Variants in RPL35 observed in about 807,000 individuals in gnomAD.
RPL35 encodes the protein large ribosomal subunit protein uL29.
In RPL35, 2 loss-of-function variants were observed where a neutral mutation model predicts 15.6. The observed-to-expected ratio is 0.13, with a 90% confidence interval of 0.05 to 0.40. RPL35 has a LOEUF of 0.40. Among genes scored for constraint, RPL35 ranks in the 10% least tolerant of loss-of-function variants. The pLI is 0.99. For synonymous variants in RPL35, 93 were observed against 67.9 expected, an observed-to-expected ratio of 1.37 and a Z score of -1.82; for missense variants, 111 against 164.7, an observed-to-expected ratio of 0.67 and a Z score of 1.79.
intron 3 of RPL35, 38 bp downstream of exon 3, chr9:124,860,145 T>C: frequency 1.3e-6 from 2 of 1,494,478 alleles, no homozygotes; most frequent in Non-Finnish European, 1.9e-6. Context: ...GCACTTGGCT[T>C]CCTGCAGCCA....
At position 124,861,424 on chromosome 9, in the gene RPL35, A is replaced by G; in HGVS notation, c.135T>C (p.Ser45=). The G allele has an allele frequency of 6.2e-7, 1 of 1,612,742 alleles. No homozygotes were observed. Among genetic ancestry groups the G allele is most frequent in the South Asian group, 1.1e-5 (1 of 90,934 alleles). Residue 45 remains serine (S), a synonymous_variant, in exon 2 of 4, where the codon TCT becomes TCC. Coordinates refer to ENST00000348462, the MANE Select transcript of RPL35 (RefSeq NM_007209.4). Reference sequence around the variant, plus strand: ...GATCCGGCCGCCTCACTTACATCTTAGAGAGCTTGGAGGCCGCACCGCCTG... The same window carrying G: ...GATCCGGCCGCCTCACTTACATCTTGGAGAGCTTGGAGGCCGCACCGCCTG... ...KVTGGAASKL[S]KIRVVRKSIA...
At position 124,857,912 on chromosome 9, in the gene RPL35, C is replaced by T. The variant is rs748604725; in HGVS notation, c.*6G>A. 32 of 1,611,490 alleles carry T rather than the reference C, an allele frequency of 2.0e-5. No homozygotes were observed. The East Asian group carries it at 3.1e-4, about 16-fold the overall frequency. On this transcript the variant is annotated 3_prime_UTR_variant, in exon 4 of 4. Coordinates refer to ENST00000348462, the MANE Select transcript of RPL35 (RefSeq NM_007209.4). ...AGCCAGCTGTGCTTTATTGACAATG[C>T]GCCCCTCAGGCCTTGACCGCGTACT...
At chr9:124,861,348 A>C in intron 2 of RPL35, 71 bp downstream of exon 2, 1 of 1,552,116 alleles carries the variant, frequency 6.4e-7, no homozygotes, top group Non-Finnish European at 8.7e-7. Context: ...GCCAACTTTG[A>C]AATCCTCCGA....
At position 124,861,893 on chromosome 9, in the gene RPL35, G is replaced by A. The variant is rs772446590; in HGVS notation, c.3+17C>T. The A allele has an allele frequency of 3.1e-6, 5 of 1,603,348 alleles. No individual in the cohort carries two copies. Among genetic ancestry groups the A allele is most frequent in the Admixed American group, 1.7e-5 (1 of 59,018 alleles). On this transcript the variant is annotated intron_variant, in intron 1 of 3. Coordinates refer to ENST00000348462, the MANE Select transcript of RPL35 (RefSeq NM_007209.4). ...GCCTCACAGCGCTCGGATGGCGCCC[G>A]ATTCCGCAGCTCTCACCATTGCTGC... is the stretch of plus-strand genomic sequence containing the variant.
chr9:124,859,034 T>G (rs1482878923), intron 3 of RPL35, among the ~76,000 whole-genome samples: 1 of 152,226 alleles, frequency 6.6e-6, no homozygotes, highest in African/African-American at 2.4e-5. Context: ...GCATTCGTCC[T>G]TTTCACATTG....
intron 2 of RPL35, 40 bp from the exon 3 acceptor site, chr9:124,860,304 T>A (rs759824068): frequency 6.6e-7 from 1 of 1,513,834 alleles, no homozygotes; most frequent in Non-Finnish European, 9.2e-7. Context: ...GGAAGACACA[T>A]AGCACTACCC....
chr9:124,861,639 A>G, intron 1 of RPL35, 84 bp from the exon 2 acceptor site: 5 of 1,545,782 alleles, frequency 3.2e-6, no homozygotes, highest in Non-Finnish European at 4.4e-6. Flanking sequence ...AAGGCGCGCG[A>G]CTCGCCATCG....
chr9:124,860,386 G>A, intron 2 of RPL35, 122 bp from the exon 3 acceptor site: 1 of 807,584 alleles, frequency 1.2e-6, no homozygotes, highest in Non-Finnish European at 2.2e-6. Context: ...ATTCACTCAG[G>A]AGGAAGGCGT....
At position 124,861,948 on chromosome 9, in the gene RPL35, A is replaced by C. The variant is rs1457711737; in HGVS notation, c.-36T>G. On this transcript the variant is annotated 5_prime_UTR_variant, in exon 1 of 4. Transcript: ENST00000348462. ...GCCGCCAACGCCGCCGCCCGCTCCGAGGGAAAGAGGAAGTAGGCGGGGCTG... is the reference window on the plus strand; with the variant it reads ...GCCGCCAACGCCGCCGCCCGCTCCGCGGGAAAGAGGAAGTAGGCGGGGCTG... The C allele has an allele frequency of 1.9e-6, 3 of 1,595,700 alleles. No individual in the cohort carries two copies. Among genetic ancestry groups the C allele is most frequent in the East Asian group, 2.3e-5 (1 of 44,038 alleles).
intron 1 of RPL35, 25 bp downstream of exon 1, chr9:124,861,885 T>C (rs1463976369): frequency 6.9e-6 from 11 of 1,602,662 alleles, no homozygotes; most frequent in Non-Finnish European, 9.4e-6. Flanking sequence ...AGCGCTCGGA[T>C]GGCGCCCGAT....
chr9:124,861,842 C>T (rs539451401), intron 1 of RPL35, 68 bp downstream of exon 1: 11 of 1,580,600 alleles, frequency 7.0e-6, no homozygotes, highest in South Asian at 6.9e-5. Context: ...GCGGGCTCAG[C>T]CCGCACCGCC....
intron 2 of RPL35, 41 bp from the exon 3 acceptor site, chr9:124,860,305 A>G (rs767789620): frequency 4.6e-6 from 7 of 1,508,764 alleles, no homozygotes; most frequent in Non-Finnish European, 6.5e-6. Context: ...GAAGACACAT[A>G]GCACTACCCA....
intron 3 of RPL35, among the ~76,000 whole-genome samples, chr9:124,858,868 G>A (rs1829152650): frequency 1.3e-5 from 2 of 151,580 alleles, no homozygotes; most frequent in Non-Finnish European, 2.9e-5. Flanking sequence ...GTGGCCCATG[G>A]TATGGGGGAT....
At chr9:124,859,957 A>C (rs1354713800) in intron 3 of RPL35, among the ~76,000 whole-genome samples, 1 of 152,120 alleles carries the variant, frequency 6.6e-6, no homozygotes, top group Non-Finnish European at 1.5e-5. Flanking sequence ...CAGCCAGGAC[A>C]CCCCAAGCCC....
Position 124,861,475 on chromosome 9 carries a change from C to T in RPL35, c.84G>A (p.Leu28=), listed in dbSNP as rs142641161. Residue 28 remains leucine, a synonymous_variant, in exon 2 of 4, where the codon CTG becomes CTA. Coordinates refer to ENST00000348462, the MANE Select transcript of RPL35 (RefSeq NM_007209.4). The part of the protein sequence containing the change: ...LKQLDDLKVE[L]SQLRVAKVTG... ...TCACTTTGGCGACGCGCAGCTGGGACAGCTCCACCTTCAGGTCGTCCAGCT... is the reference window on the plus strand; with the variant it reads ...TCACTTTGGCGACGCGCAGCTGGGATAGCTCCACCTTCAGGTCGTCCAGCT... The T allele has an allele frequency of 9.2e-4, 1,485 of 1,613,966 alleles. 3 individuals carry two copies. Among genetic ancestry groups the T allele is most frequent in the Non-Finnish European group, 1.1e-3 (1,351 of 1,179,996 alleles).
intron 1 of RPL35, 39 bp downstream of exon 1, chr9:124,861,871 T>TCACAGCGCTCGGATGGCGCCCGATTC (rs1319884510): frequency 3.1e-6 from 5 of 1,601,042 alleles, no homozygotes; most frequent in South Asian, 1.1e-5. Context: ...CCCCCGCGCC[T>TCACAGCGCTCGGATGGCGCCCGATTC]CACAGCGCTC....
In RPL35 at chr9:124,861,928, C is replaced by G. The variant is rs756719381; in HGVS notation, c.-16G>C. ...CTCTCACCATTGCTGCACAAGCCGC[C>G]AACGCCGCCGCCCGCTCCGAGGGAA... On this transcript the variant is annotated 5_prime_UTR_variant, in exon 1 of 4. Transcript: ENST00000348462. 1 of 1,599,912 alleles carries G rather than the reference C, an allele frequency of 6.3e-7. No homozygotes were observed. Among genetic ancestry groups the G allele is most frequent in the African/African-American group, 1.3e-5 (1 of 74,084 alleles).
intron 1 of RPL35, 169 bp downstream of exon 1, chr9:124,861,741 G>A: frequency 3.1e-6 from 4 of 1,308,492 alleles, no homozygotes; most frequent in Non-Finnish European, 4.1e-6. Flanking sequence ...CGGGCCGCGC[G>A]CCTCTCCCGG....
chr9:124,861,832 G>A, intron 1 of RPL35, 78 bp downstream of exon 1: 2 of 1,560,896 alleles, frequency 1.3e-6, no homozygotes, highest in East Asian at 4.7e-5. Flanking sequence ...GATAGAATCC[G>A]CGGGCTCAGC....
Sources: allele counts gnomAD v4.1 joint callset (sites outside exome capture counted in the v4.1 genomes callset), GRCh38; gene constraint gnomAD v4.1.1; transcripts MANE v1.5; gene names NCBI Gene and HGNC (gene_info 2026-07-23, HGNC 2026-07-21).